Variants in RFT1 observed in about 807,000 individuals in gnomAD.
RFT1 encodes the protein man(5)GlcNAc(2)-PP-dolichol translocation protein RFT1.
Under a neutral mutation model 62.2 loss-of-function variants are expected in RFT1, and 43 were observed. That is an observed-to-expected ratio of 0.69 (90% confidence interval 0.54 to 0.89). RFT1 has a LOEUF of 0.89. Among genes scored for constraint, RFT1 ranks in the 40% least tolerant of loss-of-function variants. RFT1 has a pLI of 0.00. For missense variants in RFT1, 605 were observed against 649.9 expected (o/e 0.93, Z 0.75); for synonymous variants, 262 against 264.6 (o/e 0.99, Z 0.10).
the RFT1 span, among the ~76,000 whole-genome samples, chr3:53,079,817 T>TA: frequency 4.6e-5 from 7 of 151,866 alleles, no homozygotes; most frequent in African/African-American, 1.4e-4. Flanking sequence ...CCCAGTGAAG[T>TA]AAAAAAAACA....
downstream of RFT1, among the ~76,000 whole-genome samples, chr3:53,087,897 A>C (rs1700894337): frequency 6.6e-6 from 1 of 152,214 alleles, no homozygotes; most frequent in Non-Finnish European, 1.5e-5. Flanking sequence ...GTTATTTTAC[A>C]TCTTAGTGTG....
chr3:53,112,231 CT>C (rs1701672378), intron 6 of RFT1, among the ~76,000 whole-genome samples: 1 of 152,220 alleles, frequency 6.6e-6, no homozygotes, highest in Non-Finnish European at 1.5e-5. Flanking sequence ...TTGTTCTTTC[CT>C]TAAAAACTGT....
chr3:53,075,586 G>A, the RFT1 span, among the ~76,000 whole-genome samples: 1 of 152,218 alleles, frequency 6.6e-6, no homozygotes, highest in Non-Finnish European at 1.5e-5. Context: ...GGCATGTGGT[G>A]TCTGGGTAAG....
At position 53,111,907 on chromosome 3, in the gene RFT1, G is replaced by C. The variant is rs751030368; in HGVS notation, c.698C>G (p.Ala233Gly). 6.2e-7 allele frequency: 1 copy of C among 1,611,618 alleles called. No individual in the cohort carries two copies. The highest frequency in any genetic ancestry group is 8.5e-7 in the Non-Finnish European group (1 of 1,178,558). ...TTTAGCCTCTTTCCAGTTTATAAAC[G>C]CCTAGAAGAGAAAACAAAACAAAAC... ...DLLPNITRNGAFINWKEAKLT... is the reference protein window; with the variant it reads ...DLLPNITRNGGFINWKEAKLT... Residue 233 changes from alanine to glycine, a missense_variant and splice_region_variant, in exon 7 of 13, where the codon GCG becomes GGG. Physicochemically the swap from Ala to Gly is moderately conservative, Grantham distance 60. Transcript: ENST00000296292.
chr3:53,108,337 C>T (rs1462724268), intron 7 of RFT1, among the ~76,000 whole-genome samples: 1 of 151,618 alleles, frequency 6.6e-6, no homozygotes, highest in Non-Finnish European at 1.5e-5. Context: ...CAGGTGTGAG[C>T]CACTGTGCCT....
At chr3:53,112,177 C>A (rs142199778) in intron 6 of RFT1, among the ~76,000 whole-genome samples, 1 of 152,212 alleles carries the variant, frequency 6.6e-6, no homozygotes, top group Non-Finnish European at 1.5e-5. Flanking sequence ...CCCTTGGGGG[C>A]CCACACAGTA....
At chr3:53,110,477 C>A (rs922977341) in intron 7 of RFT1, among the ~76,000 whole-genome samples, 1 of 152,112 alleles carries the variant, frequency 6.6e-6, no homozygotes, top group East Asian at 1.9e-4. Flanking sequence ...GAGAAGGCCT[C>A]GGAACGGTTT....
chr3:53,085,442 C>T (rs1700835246), downstream of RFT1, among the ~76,000 whole-genome samples: 1 of 152,252 alleles, frequency 6.6e-6, no homozygotes, highest in South Asian at 2.1e-4. Context: ...TCAGGCCCCT[C>T]AGAAATGAGA....
Position 53,121,811 on chromosome 3 carries a change from G to A in RFT1, c.457-11C>T, listed in dbSNP as rs780731057. 5.6e-6 allele frequency: 9 copies of A among 1,599,416 alleles called. No homozygotes were observed. Among genetic ancestry groups the A allele is most frequent in the Non-Finnish European group, 7.7e-6 (9 of 1,168,682 alleles). On this transcript the variant is annotated splice_polypyrimidine_tract_variant and intron_variant, in intron 4 of 12. Transcript: ENST00000296292. ...GCTCTCTGCAATCACCTGCAAACAT[G>A]TGGTTAAGGTGCAGTTTACAAACAT...
intron 7 of RFT1, among the ~76,000 whole-genome samples, chr3:53,108,739 C>T (rs1315292925): frequency 1.3e-5 from 2 of 148,536 alleles, no homozygotes; most frequent in African/African-American, 5.0e-5. Context: ...TCGCTCTTGT[C>T]GCCCAAGCTG....
the RFT1 span, among the ~76,000 whole-genome samples, chr3:53,083,056 C>G: frequency 1.3e-5 from 2 of 151,534 alleles, no homozygotes; most frequent in African/African-American, 4.9e-5. Context: ...AAAAAATTAG[C>G]TGGGTGTGGC....
intron 7 of RFT1, among the ~76,000 whole-genome samples, chr3:53,110,472 G>A (rs1701614709): frequency 6.6e-6 from 1 of 152,162 alleles, no homozygotes; most frequent in South Asian, 2.1e-4. Flanking sequence ...TCCCCGAGAA[G>A]GCCTCGGAAC....
chr3:53,076,263 A>G, the RFT1 span, among the ~76,000 whole-genome samples: 1 of 152,106 alleles, frequency 6.6e-6, no homozygotes, highest in South Asian at 2.1e-4. Context: ...TCTGAGCCTC[A>G]ATGTCTTCCC....
chr3:53,106,414 A>G (rs1330576271), intron 8 of RFT1, among the ~76,000 whole-genome samples: 4 of 152,226 alleles, frequency 2.6e-5, no homozygotes, highest in African/African-American at 4.8e-5. Context: ...TATACAGGTC[A>G]TTAATGCAAA....
chr3:53,108,052 T>A (rs1264187594), intron 7 of RFT1, among the ~76,000 whole-genome samples: 2 of 152,156 alleles, frequency 1.3e-5, no homozygotes, highest in African/African-American at 4.8e-5. Context: ...TTTGTTTTGT[T>A]GTGGTTGTTG....
chr3:53,101,029 A>G (rs1241744420), intron 10 of RFT1, among the ~76,000 whole-genome samples: 1 of 152,210 alleles, frequency 6.6e-6, no homozygotes, highest in African/African-American at 2.4e-5. Flanking sequence ...GAGTCTCAGA[A>G]TCTGGAACTC....
chr3:53,115,106 C>A (rs1701755812), intron 6 of RFT1, among the ~76,000 whole-genome samples: 1 of 152,204 alleles, frequency 6.6e-6, no homozygotes, highest in Non-Finnish European at 1.5e-5. Flanking sequence ...CTCACCTGGA[C>A]AATTGCCACA....
At chr3:53,108,060 T>C (rs1028261696) in intron 7 of RFT1, among the ~76,000 whole-genome samples, 1 of 152,168 alleles carries the variant, frequency 6.6e-6, no homozygotes, top group African/African-American at 2.4e-5. Flanking sequence ...GTTGTGGTTG[T>C]TGTTTTGAGA....
chr3:53,130,318 A>G lies in RFT1; in HGVS notation c.63+20T>C, dbSNP rs1702227243. The stretch of plus-strand genomic sequence containing the variant: ...AATCCCGGCTGCAGTACAAGCTGGA[A>G]CCTGAAGGGCAGAGAGTACCTGCAG... On this transcript the variant is annotated intron_variant, in intron 1 of 12. Coordinates refer to ENST00000296292, the MANE Select transcript of RFT1 (RefSeq NM_052859.4). 6.4e-7 allele frequency: 1 copy of G among 1,561,762 alleles called. No homozygotes were observed. Among genetic ancestry groups the G allele is most frequent in the East Asian group, 2.4e-5 (1 of 41,800 alleles).
Sources: gnomAD v4.1 joint callset for allele counts (sites outside exome capture counted in the v4.1 genomes callset) on GRCh38, gnomAD v4.1.1 for gene constraint, MANE v1.5 for transcripts, NCBI Gene and HGNC (gene_info 2026-07-23, HGNC 2026-07-21) for gene names.